ERBB4: variants seen among roughly 807,000 people sequenced by gnomAD.
The protein encoded by ERBB4 is erb-b2 receptor tyrosine kinase 4, also known as receptor tyrosine-protein kinase erbB-4.
Under a neutral mutation model 158.0 loss-of-function variants are expected in ERBB4, and 42 were observed. That is an observed-to-expected ratio of 0.27 (90% CI 0.21 to 0.34). The LOEUF is 0.34. ERBB4 is among the 10% of genes least tolerant of loss of function. ERBB4 has a pLI of 1.00. For missense variants in ERBB4, 1,333 were observed against 1,624.1 expected (o/e 0.82, Z 3.08); for synonymous variants, 583 against 558.7 (o/e 1.04, Z -0.61).
intron 1 of ERBB4, among the ~76,000 whole-genome samples, chr2:212,154,255 A>T (rs559748994): frequency 6.6e-6 from 1 of 152,256 alleles, no homozygotes; most frequent in East Asian, 1.9e-4. Context: ...AATGATTCAC[A>T]TGGCTTAAAG....
intron 4 of ERBB4, among the ~76,000 whole-genome samples, chr2:211,756,520 T>A (rs1360317099): frequency 6.6e-6 from 1 of 152,162 alleles, no homozygotes; most frequent in East Asian, 1.9e-4. Context: ...TGTGTGTGTA[T>A]TATGGAGTTT....
intron 13 of ERBB4, among the ~76,000 whole-genome samples, chr2:211,676,289 G>T (rs1461778317): frequency 1.3e-5 from 2 of 152,098 alleles, no homozygotes; most frequent in Non-Finnish European, 2.9e-5. Flanking sequence ...CCATGCTTAT[G>T]GTTTCCTGGG....
At chr2:211,651,367 C>T (rs2070975103) in intron 16 of ERBB4, among the ~76,000 whole-genome samples, 1 of 152,056 alleles carries the variant, frequency 6.6e-6, no homozygotes, top group Non-Finnish European at 1.5e-5. Flanking sequence ...AAGAATGGCA[C>T]CGTCGGAAAT....
chr2:211,577,533 C>T (rs1035264482), intron 19 of ERBB4, among the ~76,000 whole-genome samples: 2 of 152,044 alleles, frequency 1.3e-5, no homozygotes, highest in African/African-American at 4.8e-5. Context: ...GGCCAATATC[C>T]CTGATGAACA....
At chr2:211,757,865 A>G (rs1316812627) in intron 4 of ERBB4, among the ~76,000 whole-genome samples, 2 of 152,230 alleles carry the variant, frequency 1.3e-5, no homozygotes, top group Non-Finnish European at 2.9e-5. Context: ...AACCACAGCT[A>G]CAAATAAAAG....
chr2:211,856,912 A>C (rs77877215), intron 3 of ERBB4, among the ~76,000 whole-genome samples: 2 of 152,184 alleles, frequency 1.3e-5, no homozygotes, highest in African/African-American at 4.8e-5. Context: ...GGTGTTGTAC[A>C]ATCAACAGAT....
intron 1 of ERBB4, among the ~76,000 whole-genome samples, chr2:212,377,196 C>A (rs1304632742): frequency 7.1e-6 from 1 of 140,834 alleles, no homozygotes; most frequent in Admixed American, 7.1e-5. Context: ...ATGTTCCTGG[C>A]AAATATATAT....
At position 211,384,009 on chromosome 2, in the gene ERBB4, C is replaced by G. The variant is rs1405990562; in HGVS notation, c.3533G>C (p.Gly1178Ala). 1 of 1,613,884 alleles carries G rather than the reference C, an allele frequency of 6.2e-7. No individual in the cohort carries two copies. Among genetic ancestry groups the G allele is most frequent in the Middle Eastern group, 1.7e-4 (1 of 6,060 alleles). Residue 1178 changes from glycine to alanine, a missense_variant, in exon 28 of 28, where the codon GGA becomes GCA. By Grantham distance (60) the Gly-to-Ala change is moderately conservative (BLOSUM62 0). This residue lies in a region of ERBB4 where 252 missense variants were observed against 241.3 expected (regional missense o/e 1.04). Coordinates refer to ENST00000342788, the MANE Select transcript of ERBB4 (RefSeq NM_005235.3). ...ENPFVSRRKN[G>A]DLQALDNPEY... The stretch of plus-strand genomic sequence containing the variant: ...GGGATTATCCAATGCTTGAAGGTCT[C>G]CATTTTTTCTCCGAGAAACAAAAGG...
At chr2:211,555,883 T>G (rs1281574442) in intron 20 of ERBB4, among the ~76,000 whole-genome samples, 1 of 152,126 alleles carries the variant, frequency 6.6e-6, no homozygotes, top group East Asian at 1.9e-4. Flanking sequence ...AGTACACAGA[T>G]CAGTGACACT....
chr2:212,399,422 T>G lies in ERBB4; in HGVS notation c.82+139027A>C, dbSNP rs563615504. The stretch of plus-strand genomic sequence containing the variant: ...ATTAAGGGGTTATTTACTTTAACAT[T>G]TGTTTATGATGAAATGTGATTCTGC... On this transcript the variant is annotated intron_variant, in intron 1 of 27. Coordinates refer to ENST00000342788, the MANE Select transcript of ERBB4 (RefSeq NM_005235.3). Among the ~76,000 whole-genome samples the G allele has an allele frequency of 1.5e-3, 221 of 151,350 alleles. 1 individual carries two copies. Among genetic ancestry groups the G allele is most frequent in the Non-Finnish European group, 1.7e-3 (113 of 67,856 alleles).
At chr2:212,250,449 G>C (rs1158952001) in intron 1 of ERBB4, among the ~76,000 whole-genome samples, 1 of 151,800 alleles carries the variant, frequency 6.6e-6, no homozygotes, top group Non-Finnish European at 1.5e-5. Context: ...TGGTAGTTTT[G>C]GCTGCTCAGG....
At chr2:211,495,773 C>G (rs1428138685) in intron 20 of ERBB4, among the ~76,000 whole-genome samples, 1 of 151,958 alleles carries the variant, frequency 6.6e-6, no homozygotes, top group African/African-American at 2.4e-5. Flanking sequence ...AGAAAATGAA[C>G]TAACTTGTAA....
chr2:211,908,379 G>T (rs2079452743), intron 3 of ERBB4, among the ~76,000 whole-genome samples: 2 of 151,858 alleles, frequency 1.3e-5, no homozygotes, highest in South Asian at 2.1e-4. Context: ...ACCCTAGGAT[G>T]AAGAACAATT....
At chr2:212,235,810 A>G (rs2083848443) in intron 1 of ERBB4, among the ~76,000 whole-genome samples, 1 of 152,174 alleles carries the variant, frequency 6.6e-6, no homozygotes, top group East Asian at 1.9e-4. Context: ...ATTTTTGCAC[A>G]TTGATTTTGT....
At chr2:212,261,166 T>C (rs1449267839) in intron 1 of ERBB4, among the ~76,000 whole-genome samples, 1 of 152,196 alleles carries the variant, frequency 6.6e-6, no homozygotes, top group African/African-American at 2.4e-5. Context: ...CATGTTTCTG[T>C]GGCATCAAAA....
chr2:211,548,478 C>T (rs1379626457), intron 20 of ERBB4, among the ~76,000 whole-genome samples: 1 of 151,956 alleles, frequency 6.6e-6, no homozygotes, highest in Non-Finnish European at 1.5e-5. Flanking sequence ...AAGAGGTATA[C>T]GACCTCATAT....
intron 3 of ERBB4, among the ~76,000 whole-genome samples, chr2:211,839,162 AG>A (rs2077411430): frequency 3.1e-5 from 2 of 65,504 alleles, no homozygotes; most frequent in East Asian, 4.8e-4. Flanking sequence ...AAGGAGGAGG[AG>A]GAGGAGGAGG....
At chr2:212,303,544 T>C (rs1031686079) in intron 1 of ERBB4, among the ~76,000 whole-genome samples, 13 of 151,418 alleles carry the variant, frequency 8.6e-5, no homozygotes, top group African/African-American at 2.7e-4. Context: ...AAATTGGAAG[T>C]AGTCTTATGG....
rs372743326 is a variant in ERBB4, at chr2:212,051,188, C to T, written c.234+73564G>A. ...TTGAAAGGTAATATTTGGGTTGTAT[C>T]AGAGTCTGGCATTTTATTTCTTTGT... On this transcript the variant is annotated intron_variant, in intron 2 of 27. Transcript: ENST00000342788. Among the ~76,000 whole-genome samples, 389 of 152,244 alleles carry T rather than the reference C, an allele frequency of 2.6e-3. 1 individual carries two copies. The highest frequency in any genetic ancestry group is 9.0e-3 in the African/African-American group (373 of 41,552).
Sources: gnomAD v4.1 joint callset for allele counts (sites outside exome capture counted in the v4.1 genomes callset) on GRCh38, gnomAD v4.1.1 for gene constraint, gnomAD v4.1.1 regional missense constraint, MANE v1.5 for transcripts, NCBI Gene and HGNC (gene_info 2026-07-23, HGNC 2026-07-21) for gene names.